L3MBTL4: variants seen among roughly 807,000 people sequenced by gnomAD.
L3MBTL4 encodes L3MBTL histone methyl-lysine binding protein 4.
In L3MBTL4, 70 loss-of-function variants were observed where a neutral mutation model predicts 84.5. The observed-to-expected ratio is 0.83, with a 90% CI of 0.68 to 1.01. The LOEUF (loss-of-function observed/expected upper bound fraction) is 1.01, where lower values mean the gene tolerates loss of function less well. Ranked by LOEUF, L3MBTL4 falls within the 50% of genes least tolerant of loss-of-function variation. The pLI, the probability that L3MBTL4 is intolerant of heterozygous loss-of-function variation, is 0.00. For missense variants in L3MBTL4, 715 were observed against 754.8 expected (o/e 0.95, Z 0.62); for synonymous variants, 274 against 259.8 (o/e 1.05, Z -0.52).
chr18:6,370,638 C>T (rs1222737478), intron 1 of L3MBTL4, among the ~76,000 whole-genome samples: 2 of 152,100 alleles, frequency 1.3e-5, no homozygotes, highest in African/African-American at 4.8e-5. Flanking sequence ...ATGAAGTCAC[C>T]TAAGTTAAAT....
intron 5 of L3MBTL4, among the ~76,000 whole-genome samples, chr18:6,258,106 A>C (rs1233906777): frequency 6.6e-6 from 1 of 152,186 alleles, no homozygotes; most frequent in African/African-American, 2.4e-5. Context: ...CACAGGGGAA[A>C]GAGGCAGGAA....
intron 16 of L3MBTL4, among the ~76,000 whole-genome samples, chr18:6,077,983 G>A (rs150956546): frequency 1.2e-4 from 19 of 152,038 alleles, no homozygotes; most frequent in Admixed American, 4.6e-4. Context: ...AGCCAAGATC[G>A]CGCCACTGCA....
At chr18:6,059,617 T>TA (rs147094059) in intron 16 of L3MBTL4, among the ~76,000 whole-genome samples, 38,616 of 150,498 alleles carry the variant, frequency 0.26, 5,536 homozygotes, top group East Asian at 0.58. Context: ...AAAACCAAGC[T>TA]AAAAAAAAAG....
intron 15 of L3MBTL4, among the ~76,000 whole-genome samples, chr18:6,081,999 T>A (rs1233543634): frequency 6.6e-6 from 1 of 152,132 alleles, no homozygotes; most frequent in Admixed American, 6.5e-5. Flanking sequence ...ATGTACTTAA[T>A]CACCTGGGGG....
At chr18:6,172,443 A>T (rs1568252418) in intron 12 of L3MBTL4, among the ~76,000 whole-genome samples, 2 of 152,194 alleles carry the variant, frequency 1.3e-5, no homozygotes, top group Non-Finnish European at 2.9e-5. Context: ...GGAACCATGG[A>T]GGCAAAAACA....
At chr18:6,345,142 G>A (rs2052814513) in intron 1 of L3MBTL4, among the ~76,000 whole-genome samples, 2 of 150,974 alleles carry the variant, frequency 1.3e-5, no homozygotes, top group African/African-American at 4.9e-5. Flanking sequence ...GGCCTAGGTG[G>A]GTGGATTGCC....
chr18:6,245,977 T>C (rs1305009212), intron 5 of L3MBTL4, among the ~76,000 whole-genome samples: 1 of 152,212 alleles, frequency 6.6e-6, no homozygotes. Flanking sequence ...TGGTGTCAGG[T>C]AGAGGCCTAC....
chr18:6,068,095 G>A lies in L3MBTL4; in HGVS notation c.1444+12786C>T, dbSNP rs111645326. On this transcript the variant is annotated intron_variant, in intron 16 of 18. Transcript: ENST00000317931. ...AGTTCCTTAAAGAGAGTTTTTGTGC[G>A]CTGGCTTTCCCAGACGCTGGTTGCA... Among the ~76,000 whole-genome samples, 77 of 152,212 alleles carry A rather than the reference G, an allele frequency of 5.1e-4. 2 individuals are homozygous for A. Among genetic ancestry groups the A allele is most frequent in the African/African-American group, 1.5e-3 (64 of 41,540 alleles).
chr18:5,972,510 T>A (rs557691138), intron 16 of L3MBTL4, among the ~76,000 whole-genome samples: 1 of 152,280 alleles, frequency 6.6e-6, no homozygotes, highest in East Asian at 1.9e-4. Context: ...GGTACTACTT[T>A]AACTGCGATT....
At chr18:6,185,966 T>TTATG (rs1568278005) in intron 12 of L3MBTL4, among the ~76,000 whole-genome samples, 3 of 141,240 alleles carry the variant, frequency 2.1e-5, no homozygotes, top group African/African-American at 8.2e-5. Flanking sequence ...CTTTCTTTAT[T>TTATG]TTATTTTATT....
chr18:5,965,517 C>T (rs942095703), intron 17 of L3MBTL4, among the ~76,000 whole-genome samples: 6 of 152,118 alleles, frequency 3.9e-5, no homozygotes, highest in Admixed American at 2.0e-4. Context: ...CCCTGAGCCC[C>T]CACCAGTCCA....
At chr18:6,113,464 C>A (rs375041312) in intron 14 of L3MBTL4, among the ~76,000 whole-genome samples, 1,486 of 113,682 alleles carry the variant, frequency 0.013, no homozygotes, top group Middle Eastern at 0.019. Context: ...CAAGTGTGGG[C>A]AAAAAAAAAA....
intron 4 of L3MBTL4, among the ~76,000 whole-genome samples, chr18:6,285,503 T>C (rs145316343): frequency 6.6e-6 from 1 of 151,594 alleles, no homozygotes; most frequent in East Asian, 1.9e-4. Context: ...TGTGTGTGTA[T>C]AGCAATTTGT....
Position 6,245,581 on chromosome 18 carries a change from T to C in L3MBTL4, c.220-993A>G, listed in dbSNP as rs545886336. 2.0e-5 allele frequency among the ~76,000 whole-genome samples: 3 copies of C among 150,542 alleles called. No homozygotes were observed. The South Asian group carries it at 6.3e-4, about 32-fold the overall frequency. ...CTTCTTAACTCTGAAGCTACATAGG[T>C]ATTTTCCTTTTTTTTTTTTTTTTTC... On this transcript the variant is annotated intron_variant, in intron 5 of 18. Coordinates refer to ENST00000317931, the MANE Select transcript of L3MBTL4 (RefSeq NM_001330559.2).
intron 1 of L3MBTL4, among the ~76,000 whole-genome samples, chr18:6,370,133 C>CA (rs35835409): frequency 0.019 from 1,688 of 88,074 alleles, 41 homozygotes; most frequent in African/African-American, 0.057. Flanking sequence ...GACTCGGTCT[C>CA]AAAAAAAAAA....
chr18:6,012,273 A>G (rs1174732971), intron 16 of L3MBTL4, among the ~76,000 whole-genome samples: 1 of 152,204 alleles, frequency 6.6e-6, no homozygotes, highest in African/African-American at 2.4e-5. Context: ...GCCACAGCAA[A>G]TGCACTGAGG....
At chr18:6,241,299 A>T (rs2047439314) in intron 8 of L3MBTL4, 59 bp downstream of exon 8, 1 of 983,848 alleles carries the variant, frequency 1.0e-6, no homozygotes, top group South Asian at 1.4e-5. Context: ...TATATAGTGA[A>T]TTTTAAGAAA....
At chr18:6,009,956 C>A (rs1485953092) in intron 16 of L3MBTL4, among the ~76,000 whole-genome samples, 1 of 152,146 alleles carries the variant, frequency 6.6e-6, no homozygotes, top group Non-Finnish European at 1.5e-5. Context: ...ACTTAAGAAT[C>A]ATATTTCATT....
chr18:6,152,129 C>T (rs1166045973), intron 13 of L3MBTL4, among the ~76,000 whole-genome samples: 1 of 152,096 alleles, frequency 6.6e-6, no homozygotes, highest in Non-Finnish European at 1.5e-5. Flanking sequence ...TCCATTCATC[C>T]ACTGATGGGC....
Sources: gnomAD v4.1 joint callset for allele counts (sites outside exome capture counted in the v4.1 genomes callset) on GRCh38, gnomAD v4.1.1 for gene constraint, MANE v1.5 for transcripts, NCBI Gene and HGNC (gene_info 2026-07-23, HGNC 2026-07-21) for gene names.